CACNA1D: variants seen among roughly 807,000 people sequenced by gnomAD.
CACNA1D encodes the protein calcium voltage-gated channel subunit alpha1 D.
Under a neutral mutation model 257.1 loss-of-function variants are expected in CACNA1D, and 55 were observed. The ratio of observed to expected loss-of-function variants is 0.21; its 90% CI spans 0.17 to 0.27. The LOEUF is 0.27. Ranked by LOEUF, CACNA1D falls within the 10% of genes least tolerant of loss-of-function variation. The pLI is 1.00. For synonymous variants in CACNA1D, 980 were observed against 1,014.9 expected (o/e 0.97, Z 0.65); for missense variants, 1,876 against 2,784.0 (o/e 0.67, Z 7.34).
At chr3:53,792,804 C>A (rs1196268005) in intron 40 of CACNA1D, among the ~76,000 whole-genome samples, 1 of 152,206 alleles carries the variant, frequency 6.6e-6, no homozygotes, top group Non-Finnish European at 1.5e-5. Flanking sequence ...GCAGTCCTCA[C>A]TGTACCGAGA....
At chr3:53,734,023 T>C (rs2095031580) in intron 19 of CACNA1D, among the ~76,000 whole-genome samples, 3 of 13,852 alleles carry the variant, frequency 2.2e-4, no homozygotes, top group Admixed American at 1.9e-3. Flanking sequence ...TGTGTATATA[T>C]ATATATATAT....
chr3:53,519,280 G>T (rs1186935973), intron 3 of CACNA1D, among the ~76,000 whole-genome samples: 1 of 152,190 alleles, frequency 6.6e-6, no homozygotes, highest in Non-Finnish European at 1.5e-5. Flanking sequence ...TGCCAGCAGG[G>T]CGTCTTGAGC....
intron 3 of CACNA1D, among the ~76,000 whole-genome samples, chr3:53,566,580 A>G (rs569772833): frequency 1.3e-5 from 2 of 152,080 alleles, no homozygotes; most frequent in South Asian, 2.1e-4. Context: ...GTCACTTCCT[A>G]GAGGACCAGG....
chr3:53,598,345 G>A lies in CACNA1D; in HGVS notation c.484-52434G>A, dbSNP rs889639307. 3.3e-5 allele frequency among the ~76,000 whole-genome samples: 5 copies of A among 151,886 alleles called. No homozygotes were observed. In the South Asian group the frequency reaches 1.0e-3, roughly 32 times the overall value. On this transcript the variant is annotated intron_variant, in intron 3 of 47. Coordinates refer to ENST00000350061, the MANE Select transcript of CACNA1D (RefSeq NM_001128840.3). ...AATCCCAGCACTTTAGGAGGCCCAG[G>A]AGGGCAGATCACTTGAGGCCAGGAG...
intron 8 of CACNA1D, among the ~76,000 whole-genome samples, chr3:53,691,027 A>G (rs1025594199): frequency 6.6e-6 from 1 of 152,248 alleles, no homozygotes; most frequent in Non-Finnish European, 1.5e-5. Flanking sequence ...CTTAAGTAGC[A>G]GTATTTGAAA....
chr3:53,773,117 A>G (rs567060086), intron 33 of CACNA1D, among the ~76,000 whole-genome samples: 1 of 152,352 alleles, frequency 6.6e-6, no homozygotes, highest in South Asian at 2.1e-4. Flanking sequence ...TGCACCAGGA[A>G]AAACTGCATG....
At chr3:53,525,212 C>G (rs2091720441) in intron 3 of CACNA1D, among the ~76,000 whole-genome samples, 1 of 152,190 alleles carries the variant, frequency 6.6e-6, no homozygotes, top group Admixed American at 6.5e-5. Context: ...CTCCCTCTAC[C>G]TAGGTGGATT....
Position 53,673,962 on chromosome 3 carries a change from ATTCT to A in CACNA1D, c.1220+841_1220+844del. The A allele has an allele frequency of 1.4e-6, 1 of 716,344 alleles. No homozygotes were observed. Among genetic ancestry groups the A allele is most frequent in the Non-Finnish European group, 2.6e-6 (1 of 384,164 alleles). The allele number at this position is 716,344 out of a possible 1,614,324, so 44.4% of individuals were successfully genotyped here. A position where few individuals can be genotyped will look rare whatever the true frequency, so the allele number is the denominator to read the frequency against. Reference sequence around the variant, plus strand: ...TGTGTTGCTTTTGGATTGAACTGTGATTCTTTCTGCCTGTATCTGTCTGTGAGAT... The same window carrying A: ...TGTGTTGCTTTTGGATTGAACTGTGATTCTGCCTGTATCTGTCTGTGAGAT... On this transcript the variant is annotated intron_variant, in intron 8 of 47. Transcript: ENST00000350061. This position sits in a 1 kb window ranked among gnomAD's most constrained non-coding sequence, Gnocchi z 4.1.
chr3:53,525,172 CTG>C (rs2091718438), intron 3 of CACNA1D, among the ~76,000 whole-genome samples: 1 of 152,172 alleles, frequency 6.6e-6, no homozygotes, highest in African/African-American at 2.4e-5. Context: ...GGCAAGGACT[CTG>C]GGCCGAATAT....
At chr3:53,681,689 T>C (rs1057156925) in intron 8 of CACNA1D, among the ~76,000 whole-genome samples, 7 of 152,176 alleles carry the variant, frequency 4.6e-5, no homozygotes, top group Non-Finnish European at 1.0e-4. Context: ...GAAGCTTATA[T>C]CTAATGATGG....
At chr3:53,743,215 T>C (rs1490210103) in intron 22 of CACNA1D, 98 bp downstream of exon 22, 1 of 761,488 alleles carries the variant, frequency 1.3e-6, no homozygotes, top group Admixed American at 2.0e-5. Flanking sequence ...ATTTTCATGA[T>C]TATATTTAGT....
At chr3:53,681,979 A>C (rs1358426782) in intron 8 of CACNA1D, among the ~76,000 whole-genome samples, 1 of 152,184 alleles carries the variant, frequency 6.6e-6, no homozygotes, top group Non-Finnish European at 1.5e-5. Context: ...GGAGAGCTGG[A>C]GATGAAGTCA....
chr3:53,638,837 G>T (rs1445388945), intron 3 of CACNA1D, among the ~76,000 whole-genome samples: 1 of 152,212 alleles, frequency 6.6e-6, no homozygotes, highest in Non-Finnish European at 1.5e-5. Context: ...TGGGTAGGGT[G>T]GCTCCACCTC....
rs1559661385 is a variant in CACNA1D at position 53,772,908 on chromosome 3, A to G, written c.4110+10A>G. 1 of 1,612,960 alleles carries G rather than the reference A, an allele frequency of 6.2e-7. No individual in the cohort carries two copies. On this transcript the variant is annotated intron_variant, in intron 33 of 47. Coordinates refer to ENST00000350061, the MANE Select transcript of CACNA1D (RefSeq NM_001128840.3). ...GGTCATTGGCATGCAGGTAAGCTCC[A>G]GCCATCTCGCCCTCAGGGGCCCTTT...
intron 3 of CACNA1D, among the ~76,000 whole-genome samples, chr3:53,598,896 G>A (rs2093406255): frequency 6.6e-6 from 1 of 152,174 alleles, no homozygotes; most frequent in Admixed American, 6.5e-5. Context: ...TTCTGAGTTG[G>A]GACAGCTGAG....
chr3:53,508,297 C>T (rs1182300700), intron 3 of CACNA1D, among the ~76,000 whole-genome samples: 1 of 152,128 alleles, frequency 6.6e-6, no homozygotes, highest in Non-Finnish European at 1.5e-5. Context: ...TATCCTGATG[C>T]TCTTCCTCCC....
intron 21 of CACNA1D, among the ~76,000 whole-genome samples, chr3:53,740,707 A>G (rs1287935197): frequency 6.6e-6 from 1 of 151,204 alleles, no homozygotes; most frequent in African/African-American, 2.4e-5. Context: ...CTCTGGCTTC[A>G]TGATAGTGGT....
chr3:53,687,977 G>T (rs1279896573), intron 8 of CACNA1D, among the ~76,000 whole-genome samples: 1 of 152,166 alleles, frequency 6.6e-6, no homozygotes, highest in Non-Finnish European at 1.5e-5. Flanking sequence ...CTCATACATT[G>T]TTTATAGAAA....
At chr3:53,619,608 G>A (rs551105911) in intron 3 of CACNA1D, among the ~76,000 whole-genome samples, 73 of 152,280 alleles carry the variant, frequency 4.8e-4, no homozygotes, top group African/African-American at 1.4e-3. Flanking sequence ...TGGCTCTAAG[G>A]TGAATGTCCT....
Sources: gnomAD v4.1 joint callset for allele counts (sites outside exome capture counted in the v4.1 genomes callset) on GRCh38, gnomAD v4.1.1 for gene constraint, Gnocchi (gnomAD v3.1) non-coding constraint, MANE v1.5 for transcripts, NCBI Gene and HGNC (gene_info 2026-07-23, HGNC 2026-07-21) for gene names.